The following HSD17B12 variants were observed in gnomAD, a reference collection of about 807,000 sequenced individuals.
The protein encoded by HSD17B12 is hydroxysteroid 17-beta dehydrogenase 12.
A neutral mutation model predicts 39.3 loss-of-function variants in HSD17B12; 32 were observed. The ratio of observed to expected loss-of-function variants is 0.81; its 90% CI spans 0.61 to 1.09. The LOEUF (loss-of-function observed/expected upper bound fraction) is 1.09, where lower values mean the gene tolerates loss of function less well. Among genes scored for constraint, HSD17B12 ranks in the 50% least tolerant of loss-of-function variants. The probability of loss-of-function intolerance (pLI) is 0.00; values close to 1 mark genes in which losing one functional copy is unlikely to be tolerated. For synonymous variants in HSD17B12, 150 were observed against 146.7 expected (o/e 1.02, Z -0.16); for missense variants, 342 against 382.9 (o/e 0.89, Z 0.89).
chr11:43,599,947 A>C, the HSD17B12 span, among the ~76,000 whole-genome samples: 2 of 152,186 alleles, frequency 1.3e-5, no homozygotes, highest in Non-Finnish European at 2.9e-5. Context: ...TAATGTTAAG[A>C]AGGGATTATG....
At chr11:43,694,452 G>A (rs904743542) in intron 1 of HSD17B12, among the ~76,000 whole-genome samples, 1 of 152,100 alleles carries the variant, frequency 6.6e-6, no homozygotes, top group African/African-American at 2.4e-5. Flanking sequence ...TGTAATCCCA[G>A]TACTTTGGGA....
chr11:43,831,879 T>C lies in HSD17B12; in HGVS notation c.536+869T>C, dbSNP rs887168968. 6.6e-6 allele frequency among the ~76,000 whole-genome samples: 1 copy of C among 152,220 alleles called. No individual in the cohort carries two copies. The highest frequency in any genetic ancestry group is 2.4e-5 in the African/African-American group (1 of 41,448). ...TACTCCAGGCAGGGATTACAGCTTATGTTTATTGAGTATATAGTAAGTGCC... is the reference window on the plus strand; with the variant it reads ...TACTCCAGGCAGGGATTACAGCTTACGTTTATTGAGTATATAGTAAGTGCC... On this transcript the variant is annotated intron_variant, in intron 7 of 10. Transcript: ENST00000278353. The surrounding 1 kb of genome is among the most constrained non-coding windows in gnomAD (Gnocchi z 4.1).
At chr11:43,657,596 G>C in the HSD17B12 span, among the ~76,000 whole-genome samples, 1 of 152,074 alleles carries the variant, frequency 6.6e-6, no homozygotes. Context: ...GGGCAGGCCT[G>C]GTGGTGACAA....
the HSD17B12 span, among the ~76,000 whole-genome samples, chr11:43,666,125 G>A: frequency 6.6e-6 from 1 of 151,798 alleles, no homozygotes; most frequent in Non-Finnish European, 1.5e-5. Context: ...CTTCCTTCCT[G>A]CATTTTTTCC....
At position 43,795,919 on chromosome 11, in the gene HSD17B12, A is replaced by ATGG. The variant is rs1217077819; in HGVS notation, c.284-2399_284-2397dup. Among the ~76,000 whole-genome samples, 5 of 151,970 alleles carry ATGG rather than the reference A, an allele frequency of 3.3e-5. No homozygotes were observed. The East Asian group carries it at 9.7e-4, about 29-fold the overall frequency. On this transcript the variant is annotated intron_variant, in intron 3 of 10. Transcript: ENST00000278353. ...AAGGGCATGAGGAGTGCTGGGGGGG[A>ATGG]TGGTTGCATTTATTAAAGGGTGGGC...
chr11:43,604,094 T>C, the HSD17B12 span, among the ~76,000 whole-genome samples: 1 of 152,326 alleles, frequency 6.6e-6, no homozygotes, highest in Non-Finnish European at 1.5e-5. Flanking sequence ...ATATTTCAAC[T>C]ACATGGTTCA....
intron 1 of HSD17B12, among the ~76,000 whole-genome samples, chr11:43,738,382 C>T (rs1950335760): frequency 6.6e-6 from 1 of 151,396 alleles, no homozygotes; most frequent in Admixed American, 6.6e-5. Flanking sequence ...CCAACCCCCA[C>T]CCCCTCCAAC....
chr11:43,751,508 G>T (rs1950464468), intron 2 of HSD17B12, among the ~76,000 whole-genome samples: 1 of 152,168 alleles, frequency 6.6e-6, no homozygotes, highest in Non-Finnish European at 1.5e-5. Context: ...CTGCCTTCTG[G>T]TCCCTGTGAA....
the HSD17B12 span, among the ~76,000 whole-genome samples, chr11:43,668,065 G>C: frequency 6.6e-6 from 1 of 152,002 alleles, no homozygotes; most frequent in Non-Finnish European, 1.5e-5. Flanking sequence ...ACTTCCTTAC[G>C]GAACACACAC....
At chr11:43,782,133 G>A (rs1013294378) in intron 3 of HSD17B12, among the ~76,000 whole-genome samples, 14 of 152,114 alleles carry the variant, frequency 9.2e-5, no homozygotes, top group African/African-American at 2.9e-4. Context: ...CTGAGAACTC[G>A]TTTTGCCCCT....
At chr11:43,827,979 C>T (rs962408790) in intron 6 of HSD17B12, among the ~76,000 whole-genome samples, 1 of 151,872 alleles carries the variant, frequency 6.6e-6, no homozygotes, top group Non-Finnish European at 1.5e-5. Flanking sequence ...TTAAACTATC[C>T]CCTTTAGATT....
the HSD17B12 span, among the ~76,000 whole-genome samples, chr11:43,650,778 G>T: frequency 6.6e-6 from 1 of 152,160 alleles, no homozygotes; most frequent in African/African-American, 2.4e-5. Context: ...TCACAGTCTC[G>T]ATTTTTGCTG....
At chr11:43,592,002 T>C in the HSD17B12 span, among the ~76,000 whole-genome samples, 1 of 152,090 alleles carries the variant, frequency 6.6e-6, no homozygotes, top group Non-Finnish European at 1.5e-5. Flanking sequence ...TGAGTTAATA[T>C]TTTTTGTTAG....
intron 1 of HSD17B12, among the ~76,000 whole-genome samples, chr11:43,703,218 G>A (rs546341979): frequency 2.2e-4 from 33 of 151,438 alleles, no homozygotes; most frequent in Non-Finnish European, 3.8e-4. Context: ...TTTTTGAGAC[G>A]GAGTCTCGCT....
chr11:43,763,227 G>A (rs1950568565), intron 3 of HSD17B12, among the ~76,000 whole-genome samples: 1 of 152,104 alleles, frequency 6.6e-6, no homozygotes, highest in Admixed American at 6.6e-5. Context: ...CCCAAGACAA[G>A]AAATGATTAT....
At chr11:43,658,632 G>A in the HSD17B12 span, among the ~76,000 whole-genome samples, 1 of 152,200 alleles carries the variant, frequency 6.6e-6, no homozygotes, top group Non-Finnish European at 1.5e-5. Flanking sequence ...TCAGCTGCAG[G>A]TCTGTTGGAG....
At chr11:43,580,333 C>T in the HSD17B12 span, among the ~76,000 whole-genome samples, 1 of 131,268 alleles carries the variant, frequency 7.6e-6, no homozygotes, top group East Asian at 2.4e-4. Context: ...CGGGTTCGCC[C>T]CTTGTTGTTC....
chr11:43,557,613 C>A, the HSD17B12 span, among the ~76,000 whole-genome samples: 1 of 152,218 alleles, frequency 6.6e-6, no homozygotes, highest in Non-Finnish European at 1.5e-5. Context: ...AAAACTGCTA[C>A]AGCTCACAAC....
intron 6 of HSD17B12, chr11:43,829,647 T>C (rs1213794799): frequency 6.6e-6 from 1 of 152,162 alleles, no homozygotes; most frequent in Admixed American, 6.5e-5. Flanking sequence ...AGCTGCTTTA[T>C]AGTTAACAGA....
Sources: allele counts gnomAD v4.1 joint callset (sites outside exome capture counted in the v4.1 genomes callset), GRCh38; gene constraint gnomAD v4.1.1; non-coding constraint Gnocchi (gnomAD v3.1); transcripts MANE v1.5; gene names NCBI Gene and HGNC (gene_info 2026-07-23, HGNC 2026-07-21).